TMEFF2: variants seen among roughly 807,000 people sequenced by gnomAD.
TMEFF2 encodes transmembrane protein with EGF like and two follistatin like domains 2.
A neutral mutation model predicts 53.8 loss-of-function variants in TMEFF2; 28 were observed. That is an observed-to-expected ratio of 0.52 (90% CI 0.39 to 0.71). The LOEUF is 0.71. Among genes scored for constraint, TMEFF2 ranks in the 30% least tolerant of loss-of-function variants. The pLI, the probability that TMEFF2 is intolerant of heterozygous loss-of-function variation, is 0.00. For missense variants in TMEFF2, 353 were observed against 455.2 expected (o/e 0.78, Z 2.04); for synonymous variants, 162 against 166.3 (o/e 0.97, Z 0.20).
At chr2:192,115,020 A>T (rs1434553466) in intron 4 of TMEFF2, among the ~76,000 whole-genome samples, 1 of 151,992 alleles carries the variant, frequency 6.6e-6, no homozygotes, top group African/African-American at 2.4e-5. Flanking sequence ...ACCCAAAGTG[A>T]TCTACAGATT....
Position 192,124,156 on chromosome 2 carries a change from G to A in TMEFF2, c.439+55512C>T, listed in dbSNP as rs947220898. Among the ~76,000 whole-genome samples the A allele has an allele frequency of 2.0e-5, 3 of 152,194 alleles. No individual in the cohort carries two copies. In the East Asian group the frequency reaches 5.8e-4, roughly 29 times the overall value. ...TGCTGGGTTACAAATCTCATCCAGA[G>A]CATTTGGATTTAATCAATCACCTGA... On this transcript the variant is annotated intron_variant, in intron 4 of 9. Coordinates refer to ENST00000272771, the MANE Select transcript of TMEFF2 (RefSeq NM_016192.4).
intron 4 of TMEFF2, among the ~76,000 whole-genome samples, chr2:192,068,316 T>A (rs1213347475): frequency 6.6e-6 from 1 of 151,922 alleles, no homozygotes; most frequent in Non-Finnish European, 1.5e-5. Context: ...GCTGAGCATC[T>A]CAAATGTGAA....
At chr2:192,088,369 G>A (rs1184164930) in intron 4 of TMEFF2, among the ~76,000 whole-genome samples, 1 of 152,012 alleles carries the variant, frequency 6.6e-6, no homozygotes, top group Non-Finnish European at 1.5e-5. Context: ...CAATAGCTGG[G>A]GAAATATGCG....
At chr2:191,954,312 T>C (rs1257119697) in intron 8 of TMEFF2, among the ~76,000 whole-genome samples, 1 of 152,198 alleles carries the variant, frequency 6.6e-6, no homozygotes, top group African/African-American at 2.4e-5. Flanking sequence ...TTCAACAAGA[T>C]GTCTTTGTGT....
rs114847049 is a variant in TMEFF2, at chr2:192,026,416, C to T, written c.537-27208G>A. Among the ~76,000 whole-genome samples the T allele has an allele frequency of 3.9e-5, 6 of 152,284 alleles. No homozygotes were observed. The South Asian group carries it at 8.3e-4, about 21-fold the overall frequency. ...TGTCAATGCACATTAATATTTGATGCGCATCATCGTTATCATCCTTTATGT... is the reference window on the plus strand; with the variant it reads ...TGTCAATGCACATTAATATTTGATGTGCATCATCGTTATCATCCTTTATGT... On this transcript the variant is annotated intron_variant, in intron 5 of 9. Coordinates refer to ENST00000272771, the MANE Select transcript of TMEFF2 (RefSeq NM_016192.4).
intron 4 of TMEFF2, among the ~76,000 whole-genome samples, chr2:192,075,285 T>TTTTATA (rs1553518755): frequency 3.0e-5 from 2 of 65,776 alleles, no homozygotes; most frequent in African/African-American, 6.2e-5. Flanking sequence ...TACAGTACTA[T>TTTTATA]TATATATATA....
At chr2:192,002,918 T>C (rs1686404252) in intron 5 of TMEFF2, among the ~76,000 whole-genome samples, 1 of 152,230 alleles carries the variant, frequency 6.6e-6, no homozygotes, top group East Asian at 1.9e-4. Flanking sequence ...ACCATTTCTA[T>C]GTTTCCAAAA....
chr2:191,960,276 TA>T (rs1692235482), intron 7 of TMEFF2, among the ~76,000 whole-genome samples: 1 of 152,246 alleles, frequency 6.6e-6, no homozygotes, highest in South Asian at 2.1e-4. Flanking sequence ...ATTAAATATT[TA>T]TTCAGTTAAC....
chr2:192,193,795 GAGA>G (rs1691529929), intron 1 of TMEFF2, among the ~76,000 whole-genome samples: 3 of 129,180 alleles, frequency 2.3e-5, no homozygotes, highest in African/African-American at 8.5e-5. Context: ...GAGAGAGAGA[GAGA>G]GAGAGAGAGA....
chr2:192,166,499 G>A (rs967642359), intron 4 of TMEFF2, among the ~76,000 whole-genome samples: 3 of 152,068 alleles, frequency 2.0e-5, no homozygotes, highest in South Asian at 2.1e-4. Flanking sequence ...ATTAAGACAG[G>A]TACATATTTG....
chr2:191,995,004 T>G (rs189908542), intron 7 of TMEFF2, among the ~76,000 whole-genome samples: 248 of 152,110 alleles, frequency 1.6e-3, no homozygotes, highest in African/African-American at 5.5e-3. Flanking sequence ...TTCTTTGGTT[T>G]CCTAGTGTTG....
chr2:192,047,880 A>G (rs1349668813), intron 5 of TMEFF2, among the ~76,000 whole-genome samples: 1 of 152,200 alleles, frequency 6.6e-6, no homozygotes, highest in African/African-American at 2.4e-5. Flanking sequence ...CAACACATAC[A>G]ATATATTACT....
At chr2:191,998,683 T>C (rs937196453) in intron 6 of TMEFF2, among the ~76,000 whole-genome samples, 2 of 149,396 alleles carry the variant, frequency 1.3e-5, no homozygotes, top group African/African-American at 5.1e-5. Flanking sequence ...TTGTACTGAA[T>C]CAATACATAA....
At chr2:192,037,471 G>A (rs1687347794) in intron 5 of TMEFF2, among the ~76,000 whole-genome samples, 1 of 151,590 alleles carries the variant, frequency 6.6e-6, no homozygotes, top group Admixed American at 6.6e-5. Flanking sequence ...GCCTTAGAAG[G>A]AAAGGCAGGT....
intron 4 of TMEFF2, among the ~76,000 whole-genome samples, chr2:192,158,749 A>G (rs563015021): frequency 6.6e-6 from 1 of 152,260 alleles, no homozygotes; most frequent in East Asian, 1.9e-4. Context: ...AACTCACAGA[A>G]TGATCCACTG....
intron 4 of TMEFF2, among the ~76,000 whole-genome samples, chr2:192,070,692 T>G (rs1472533896): frequency 2.6e-5 from 4 of 151,838 alleles, no homozygotes; most frequent in African/African-American, 9.7e-5. Context: ...TAAGAACTAG[T>G]GGTCAGAGAG....
chr2:192,030,617 A>G (rs1687107197), intron 5 of TMEFF2: 1 of 152,058 alleles, frequency 6.6e-6, no homozygotes, highest in African/African-American at 2.4e-5. Flanking sequence ...TGAACTGACA[A>G]GCCCATGGAT....
chr2:192,078,703 G>A (rs1342818870), intron 4 of TMEFF2, among the ~76,000 whole-genome samples: 1 of 152,034 alleles, frequency 6.6e-6, no homozygotes, highest in African/African-American at 2.4e-5. Flanking sequence ...TGTAGTGTCT[G>A]TTTATAAATT....
intron 4 of TMEFF2, among the ~76,000 whole-genome samples, chr2:192,102,110 A>T (rs1234661982): frequency 1.3e-5 from 2 of 152,188 alleles, no homozygotes; most frequent in East Asian, 3.8e-4. Flanking sequence ...TAAATAATAA[A>T]TAGTATGTCT....
Sources: allele counts gnomAD v4.1 joint callset (sites outside exome capture counted in the v4.1 genomes callset), GRCh38; gene constraint gnomAD v4.1.1; transcripts MANE v1.5; gene names NCBI Gene and HGNC (gene_info 2026-07-23, HGNC 2026-07-21).